Variants in CNTNAP5 observed in about 807,000 individuals in gnomAD.
CNTNAP5 encodes the protein contactin associated protein family member 5.
In CNTNAP5, 72 loss-of-function variants were observed where a neutral mutation model predicts 150.2. That is an observed-to-expected ratio of 0.48 (90% CI 0.40 to 0.58). The LOEUF is 0.58. Ranked by LOEUF, CNTNAP5 falls within the 20% of genes least tolerant of loss-of-function variation. CNTNAP5 has a pLI of 0.00. For missense variants in CNTNAP5, 1,636 were observed against 1,626.2 expected, an observed-to-expected ratio of 1.01 and a Z score of -0.10; for synonymous variants, 672 against 619.8, an observed-to-expected ratio of 1.08 and a Z score of -1.25.
At chr2:124,194,517 T>C (rs1444757645) in intron 1 of CNTNAP5, among the ~76,000 whole-genome samples, 1 of 150,778 alleles carries the variant, frequency 6.6e-6, no homozygotes, top group African/African-American at 2.4e-5. Context: ...GTCATCTGTG[T>C]GCTTCCTTTA....
chr2:124,040,278 C>G (rs1210642374), intron 1 of CNTNAP5, among the ~76,000 whole-genome samples: 1 of 152,056 alleles, frequency 6.6e-6, no homozygotes, highest in Non-Finnish European at 1.5e-5. Flanking sequence ...ATTTCAATAC[C>G]ACAATCAGGA....
At chr2:124,047,025 C>A (rs2104638309) in intron 1 of CNTNAP5, among the ~76,000 whole-genome samples, 1 of 152,204 alleles carries the variant, frequency 6.6e-6, no homozygotes, top group Non-Finnish European at 1.5e-5. Flanking sequence ...TTCAAATGAT[C>A]CATCTTAAGT....
chr2:124,148,667 C>T (rs115533011), intron 1 of CNTNAP5, among the ~76,000 whole-genome samples: 1,833 of 149,692 alleles, frequency 0.012, 22 homozygotes, highest in Non-Finnish European at 0.015. Context: ...TCCACTAATG[C>T]ATATTATATG....
intron 11 of CNTNAP5, among the ~76,000 whole-genome samples, chr2:124,583,152 T>G (rs2104950925): frequency 7.2e-6 from 1 of 138,638 alleles, no homozygotes; most frequent in African/African-American, 2.7e-5. Flanking sequence ...ATTTCACACC[T>G]TGCTTCCCTA....
chr2:124,324,921 A>G (rs1310528899), intron 3 of CNTNAP5, among the ~76,000 whole-genome samples: 2 of 152,220 alleles, frequency 1.3e-5, no homozygotes, highest in Non-Finnish European at 2.9e-5. Context: ...AGACATAAGC[A>G]CACGGTTTGT....
At chr2:124,062,288 C>A (rs536043992) in intron 1 of CNTNAP5, among the ~76,000 whole-genome samples, 10 of 152,214 alleles carry the variant, frequency 6.6e-5, no homozygotes, top group Non-Finnish European at 1.2e-4. Context: ...TGCTACCTCT[C>A]TCCTCCCTCA....
At chr2:124,625,022 G>T (rs957933230) in intron 12 of CNTNAP5, among the ~76,000 whole-genome samples, 7 of 152,198 alleles carry the variant, frequency 4.6e-5, no homozygotes, top group African/African-American at 1.4e-4. Flanking sequence ...AGCCAGGAAT[G>T]GAAGCTATGG....
intron 12 of CNTNAP5, among the ~76,000 whole-genome samples, chr2:124,633,515 C>T (rs1677907898): frequency 6.6e-6 from 1 of 152,310 alleles, no homozygotes; most frequent in Middle Eastern, 3.4e-3. Context: ...GCCCCTCCGG[C>T]TTTGCAAGGT....
intron 1 of CNTNAP5, among the ~76,000 whole-genome samples, chr2:124,155,718 G>A (rs933658970): frequency 1.3e-5 from 2 of 152,148 alleles, no homozygotes; most frequent in African/African-American, 4.8e-5. Context: ...AGGAGAGGGC[G>A]TAGAAAAGGT....
chr2:124,188,456 A>G (rs1303268810), intron 1 of CNTNAP5, among the ~76,000 whole-genome samples: 3 of 152,192 alleles, frequency 2.0e-5, no homozygotes, highest in Non-Finnish European at 4.4e-5. Flanking sequence ...GCAGTGGCTC[A>G]TGCCTGTAAT....
At chr2:124,406,124 C>A (rs1573971410) in intron 3 of CNTNAP5, among the ~76,000 whole-genome samples, 1 of 152,100 alleles carries the variant, frequency 6.6e-6, no homozygotes, top group African/African-American at 2.4e-5. Context: ...GATTAACTTC[C>A]AAATATTTGA....
Position 124,686,840 on chromosome 2 carries a change from A to G in CNTNAP5, c.2077+38882A>G, listed in dbSNP as rs527852831. On this transcript the variant is annotated intron_variant, in intron 13 of 23. Coordinates refer to ENST00000682447, the MANE Select transcript of CNTNAP5 (RefSeq NM_001367498.1). ...AGCACCAGAAGTTGTGAGAAATAATATGAAATTTATTGACTTCCGATACAA... is the reference window on the plus strand; with the variant it reads ...AGCACCAGAAGTTGTGAGAAATAATGTGAAATTTATTGACTTCCGATACAA... Among the ~76,000 whole-genome samples, 6 of 152,314 alleles carry G rather than the reference A, an allele frequency of 3.9e-5. No homozygotes were observed. In the South Asian group the frequency reaches 1.0e-3, roughly 26 times the overall value.
chr2:124,374,956 A>T (rs1180605931), intron 3 of CNTNAP5, among the ~76,000 whole-genome samples: 1 of 152,128 alleles, frequency 6.6e-6, no homozygotes, highest in African/African-American at 2.4e-5. Context: ...AATCATGGCT[A>T]TATCAAATTA....
intron 19 of CNTNAP5, among the ~76,000 whole-genome samples, chr2:124,856,445 A>G (rs1262704998): frequency 6.6e-6 from 1 of 152,212 alleles, no homozygotes; most frequent in Non-Finnish European, 1.5e-5. Flanking sequence ...ACTAGTTTAC[A>G]TTCCCACCAG....
intron 6 of CNTNAP5, among the ~76,000 whole-genome samples, chr2:124,462,214 G>T (rs921743845): frequency 6.6e-6 from 1 of 152,034 alleles, no homozygotes; most frequent in Non-Finnish European, 1.5e-5. Context: ...TGGGGAGTAG[G>T]TTTTCCCTCT....
chr2:124,798,758 T>C (rs561089615), intron 19 of CNTNAP5, among the ~76,000 whole-genome samples: 1 of 152,292 alleles, frequency 6.6e-6, no homozygotes, highest in East Asian at 1.9e-4. Context: ...GTCCAGGTCT[T>C]AGAGAGAAGT....
intron 3 of CNTNAP5, among the ~76,000 whole-genome samples, chr2:124,346,103 A>G (rs1689731270): frequency 6.6e-6 from 1 of 152,206 alleles, no homozygotes; most frequent in Non-Finnish European, 1.5e-5. Context: ...AAATAAACTA[A>G]GGTGTACTTA....
chr2:124,888,004 A>G (rs1678116788), intron 21 of CNTNAP5, among the ~76,000 whole-genome samples: 1 of 152,058 alleles, frequency 6.6e-6, no homozygotes, highest in Admixed American at 6.6e-5. Flanking sequence ...GTATATGTGC[A>G]GGTTTGTCAC....
At chr2:124,402,296 AAT>A (rs1417041506) in intron 3 of CNTNAP5, among the ~76,000 whole-genome samples, 1 of 152,106 alleles carries the variant, frequency 6.6e-6, no homozygotes, top group Non-Finnish European at 1.5e-5. Context: ...CTGGGCTGGG[AAT>A]GAGGAAGCAC....
Sources: gnomAD v4.1 joint callset for allele counts (sites outside exome capture counted in the v4.1 genomes callset) on GRCh38, gnomAD v4.1.1 for gene constraint, MANE v1.5 for transcripts, NCBI Gene and HGNC (gene_info 2026-07-23, HGNC 2026-07-21) for gene names.